TNRC6C: variants seen among roughly 807,000 people sequenced by gnomAD.
TNRC6C encodes the protein trinucleotide repeat-containing gene 6C protein.
In TNRC6C, 20 loss-of-function variants were observed where a neutral mutation model predicts 153.7. The ratio of observed to expected loss-of-function variants is 0.13; its 90% confidence interval spans 0.09 to 0.19. The LOEUF (loss-of-function observed/expected upper bound fraction) is 0.19. TNRC6C is among the 10% of genes least tolerant of loss of function. The pLI is 1.00. For missense variants in TNRC6C, 1,987 were observed against 2,172.0 expected (o/e 0.91, Z 1.69); for synonymous variants, 811 against 841.4 (o/e 0.96, Z 0.63).
intron 19 of TNRC6C, 114 bp downstream of exon 22, chr17:78,103,667 G>A: frequency 6.9e-7 from 1 of 1,439,170 alleles, no homozygotes; most frequent in Non-Finnish European, 9.3e-7. Flanking sequence ...CCCACAGGCT[G>A]GCCACCCTCC....
At chr17:78,069,981 G>T (rs899503981) in intron 5 of TNRC6C, among the ~76,000 whole-genome samples, 3 of 152,180 alleles carry the variant, frequency 2.0e-5, no homozygotes, top group Non-Finnish European at 2.9e-5. Flanking sequence ...AAATGGGGTG[G>T]CATGAGATGA....
At chr17:77,971,764 C>A (rs1389345625) in intron 1 of TNRC6C, among the ~76,000 whole-genome samples, 2 of 151,906 alleles carry the variant, frequency 1.3e-5, no homozygotes, top group East Asian at 3.9e-4. Flanking sequence ...TTCTCTCTTT[C>A]ACTCCATGTA....
In TNRC6C at chr17:78,070,027, G is replaced by A. The variant is rs569087644; in HGVS notation, c.2779-1058G>A. Among the ~76,000 whole-genome samples the A allele has an allele frequency of 3.3e-4, 50 of 152,306 alleles. No homozygotes were observed. The South Asian group carries it at 9.5e-3, about 29-fold the overall frequency. Reference sequence around the variant, plus strand: ...TATACCTTGTTTATACTTTTGAATCGTGTGAATGTATTCATGTTCAAAAAA... The same window carrying A: ...TATACCTTGTTTATACTTTTGAATCATGTGAATGTATTCATGTTCAAAAAA... On this transcript the variant is annotated intron_variant, in intron 5 of 19. Coordinates refer to ENST00000301624, the Ensembl canonical transcript of TNRC6C.
At chr17:78,013,707 TATC>T (rs2071676771) in intron 1 of TNRC6C, among the ~76,000 whole-genome samples, 1 of 151,944 alleles carries the variant, frequency 6.6e-6, no homozygotes, top group Non-Finnish European at 1.5e-5. Context: ...TTGTGGAAGG[TATC>T]ATTGAATCTG....
intron 9 of TNRC6C, among the ~76,000 whole-genome samples, chr17:78,078,235 G>A (rs1267022184): frequency 6.6e-6 from 1 of 152,166 alleles, no homozygotes; most frequent in Non-Finnish European, 1.5e-5. Context: ...CCCAGCTAGG[G>A]TGTGCACTGG....
At chr17:78,066,588 G>C (rs775271488) in intron 4 of TNRC6C, 13 of 152,134 alleles carry the variant, frequency 8.5e-5, no homozygotes, top group Non-Finnish European at 1.5e-4. Flanking sequence ...TGAAGACCCA[G>C]CTAACTGTGC....
Position 78,098,556 on chromosome 17 carries a change from G to A in TNRC6C, c.4501+19G>A, listed in dbSNP as rs371818857. On this transcript the variant is annotated intron_variant, in intron 17 of 19. Transcript: ENST00000301624. ...TCCTCGGGTAAGCTCCATGCTCCTCGTGTTCCGATGGGGGCCTTACCCTTT... is the reference window on the plus strand; with the variant it reads ...TCCTCGGGTAAGCTCCATGCTCCTCATGTTCCGATGGGGGCCTTACCCTTT... 71 of 1,605,260 alleles carry A rather than the reference G, an allele frequency of 4.4e-5. No individual in the cohort carries two copies. The highest frequency in any genetic ancestry group is 2.4e-4 in the African/African-American group (18 of 74,740).
At chr17:78,070,973 A>G in intron 5 of TNRC6C, 112 bp from the exon 8 acceptor site, 2 of 1,077,592 alleles carry the variant, frequency 1.9e-6, no homozygotes, top group Non-Finnish European at 2.7e-6. Flanking sequence ...TGTTAATACA[A>G]AAAGATCCTG....
intron 1 of TNRC6C, among the ~76,000 whole-genome samples, chr17:78,022,052 A>T (rs1485071972): frequency 6.6e-6 from 1 of 152,226 alleles, no homozygotes; most frequent in Non-Finnish European, 1.5e-5. Context: ...AAAGATGCCC[A>T]GAGGCAGTGA....
chr17:78,007,947 A>G (rs1315103174), intron 1 of TNRC6C, among the ~76,000 whole-genome samples: 4 of 152,244 alleles, frequency 2.6e-5, no homozygotes. Flanking sequence ...AATAATAGAA[A>G]TGCTTTAAAT....
chr17:78,097,720 C>T (rs910937800), intron 16 of TNRC6C, 25 bp from the exon 19 acceptor site: 2 of 1,511,410 alleles, frequency 1.3e-6, no homozygotes, highest in African/African-American at 2.8e-5. Context: ...CACCACCTTG[C>T]TCAGTGCCGT....
intron 7 of TNRC6C, 143 bp downstream of exon 9, chr17:78,073,237 C>T (rs2073028423): frequency 1.7e-6 from 1 of 580,992 alleles, no homozygotes; most frequent in South Asian, 3.3e-5. Context: ...AACCACACAA[C>T]AAGCTGGAAC....
chr17:78,004,406 A>T, upstream of TNRC6C: 3 of 1,015,538 alleles, frequency 3.0e-6, no homozygotes, highest in South Asian at 5.2e-5. Flanking sequence ...CGAATAATAG[A>T]TATCCTACTG....
intron 5 of TNRC6C, among the ~76,000 whole-genome samples, chr17:78,068,786 C>T (rs1272687446): frequency 2.0e-5 from 3 of 151,958 alleles, no homozygotes; most frequent in Admixed American, 2.0e-4. Context: ...GGCGACAGAG[C>T]GAGACTCCCT....
chr17:78,051,088 G>A (rs1194285022), exon 3 of TNRC6C: 6 of 1,599,774 alleles, frequency 3.8e-6, no homozygotes, highest in Middle Eastern at 3.3e-4. Context: ...AGACAACAAT[G>A]TGAGTAACTG....
Position 77,980,918 on chromosome 17 carries a change from C to T in TNRC6C, c.-38+21650C>T, listed in dbSNP as rs868775907. 1.9e-4 allele frequency among the ~76,000 whole-genome samples: 29 copies of T among 152,264 alleles called. No individual in the cohort carries two copies. In the Middle Eastern group the frequency reaches 0.017, roughly 89 times the overall value. On this transcript the variant is annotated intron_variant, in intron 1 of 22. Transcript: ENST00000636222. ...CGCCCTCCTGGCATCTCCATTTGCTCGGGCATTTGGAAGCTCTCCAAACCC... is the reference window on the plus strand; with the variant it reads ...CGCCCTCCTGGCATCTCCATTTGCTTGGGCATTTGGAAGCTCTCCAAACCC...
intron 1 of TNRC6C, among the ~76,000 whole-genome samples, chr17:77,968,271 A>G (rs1305060617): frequency 6.6e-6 from 1 of 150,988 alleles, no homozygotes; most frequent in Non-Finnish European, 1.5e-5. Context: ...TGACCTCGTG[A>G]TTCGCCCACC....
At chr17:78,099,474 A>G (rs868697874) in intron 17 of TNRC6C, among the ~76,000 whole-genome samples, 11 of 152,220 alleles carry the variant, frequency 7.2e-5, no homozygotes, top group Admixed American at 3.3e-4. Context: ...CATGTCTCAC[A>G]TGGCAGCAGA....
intron 1 of TNRC6C, among the ~76,000 whole-genome samples, chr17:77,972,110 G>A (rs940244251): frequency 2.6e-5 from 4 of 152,008 alleles, no homozygotes; most frequent in African/African-American, 4.8e-5. Context: ...CAATAGAGAA[G>A]ATCAGTAAAA....
Sources: gnomAD v4.1 joint callset for allele counts (sites outside exome capture counted in the v4.1 genomes callset) on GRCh38, gnomAD v4.1.1 for gene constraint, MANE v1.5 for transcripts, NCBI Gene and HGNC (gene_info 2026-07-23, HGNC 2026-07-21) for gene names.